The following SLC25A1 variants were observed in gnomAD, a reference collection of about 807,000 sequenced individuals.
The protein encoded by SLC25A1 is solute carrier family 25 member 1.
A neutral mutation model predicts 38.1 loss-of-function variants in SLC25A1; 26 were observed. The observed-to-expected ratio is 0.68, with a 90% CI of 0.50 to 0.95. SLC25A1 has a LOEUF of 0.95. Among genes scored for constraint, SLC25A1 ranks in the 40% least tolerant of loss-of-function variants. The pLI is 0.00. For synonymous variants in SLC25A1, 211 were observed against 183.2 expected, an observed-to-expected ratio of 1.15 and a Z score of -1.23; for missense variants, 378 against 426.6, an observed-to-expected ratio of 0.89 and a Z score of 1.00.
At position 19,176,839 on chromosome 22, in the gene SLC25A1, G is replaced by C. The variant is rs1257895809; in HGVS notation, c.631+7C>G. 5 of 1,613,498 alleles carry C rather than the reference G, an allele frequency of 3.1e-6. No individual in the cohort carries two copies. In the South Asian group the frequency reaches 5.5e-5, roughly 18 times the overall value. On this transcript the variant is annotated splice_region_variant and intron_variant, in intron 6 of 8. Coordinates refer to ENST00000215882, the MANE Select transcript of SLC25A1 (RefSeq NM_005984.5). The stretch of plus-strand genomic sequence containing the variant: ...TGCAGAGATGGGGCCCTGTGATGCA[G>C]ACACACCTCGGTACCAGTTGCGCAG...
intron 4 of SLC25A1, 140 bp downstream of exon 4, chr22:19,177,587 C>T (rs2083981541): frequency 8.4e-7 from 1 of 1,192,682 alleles, no homozygotes; most frequent in Non-Finnish European, 1.2e-6. Flanking sequence ...CCCCAGGGCC[C>T]CGCGGTCACC....
Position 19,177,950 on chromosome 22 carries a change from C to T in SLC25A1, c.294G>A (p.Ala98=), listed in dbSNP as rs781859466. ...SSLLYGSIPK[A]AVRFGMFEFL... ...CACCGGCCGGGCCTCACCTGACGGC[C>T]GCCTTGGGGATGGAACCGTAGAGCA... is the stretch of plus-strand genomic sequence containing the variant. Residue 98 remains alanine (A), a synonymous_variant, in exon 3 of 9, where the codon GCG becomes GCA. Coordinates refer to ENST00000215882, the MANE Select transcript of SLC25A1 (RefSeq NM_005984.5). 3 of 1,600,350 alleles carry T rather than the reference C, an allele frequency of 1.9e-6. No individual in the cohort carries two copies. In the Admixed American group the frequency reaches 5.2e-5, roughly 28 times the overall value.
chr22:19,176,198 C>T lies in SLC25A1; in HGVS notation c.868G>A (p.Val290Met), dbSNP rs2083957092. The T allele has an allele frequency of 1.9e-6, 3 of 1,613,724 alleles. No homozygotes were observed. The highest frequency in any genetic ancestry group is 2.5e-6 in the Non-Finnish European group (3 of 1,180,024). Residue 290 changes from valine to methionine, a missense_variant, in exon 9 of 9, where the codon GTG (valine) becomes ATG (methionine). Transcript: ENST00000215882. ...VPRLGRVCLD[V>M]AIVFVIYDEV... ...TCATAGATGACAAACACTATGGCCA[C>T]ATCCAGGCAGACCCGGCCCAGGCGG...
Position 19,178,093 on chromosome 22 carries a change from G to T in SLC25A1, c.202+40C>A. On this transcript the variant is annotated intron_variant, in intron 2 of 8. Transcript: ENST00000215882. The surrounding 1 kb of genome is among the most constrained non-coding windows in gnomAD (Gnocchi z 4.9). ...ACGGCCCTCGGTGCCGCCGCCCTGG[G>T]TACCCGCCCCCCGCGGCGCCGCGGC... 2 of 1,535,566 alleles carry T rather than the reference G, an allele frequency of 1.3e-6. No individual in the cohort carries two copies. The highest frequency in any genetic ancestry group is 8.8e-7 in the Non-Finnish European group (1 of 1,141,856).
In SLC25A1 at chr22:19,176,835, T is replaced by C; in HGVS notation, c.631+11A>G. 6.2e-7 allele frequency: 1 copy of C among 1,613,330 alleles called. No homozygotes were observed. Among genetic ancestry groups the C allele is most frequent in the African/African-American group, 1.3e-5 (1 of 74,994 alleles). On this transcript the variant is annotated intron_variant, in intron 6 of 8. Transcript: ENST00000215882. Reference sequence around the variant, plus strand: ...CATGTGCAGAGATGGGGCCCTGTGATGCAGACACACCTCGGTACCAGTTGC... The same window carrying C: ...CATGTGCAGAGATGGGGCCCTGTGACGCAGACACACCTCGGTACCAGTTGC...
chr22:19,175,815 G>A lies in SLC25A1; in HGVS notation c.*315C>T, dbSNP rs1179062845. 1 of 376,582 alleles carries A rather than the reference G, an allele frequency of 2.7e-6. No individual in the cohort carries two copies. Among genetic ancestry groups the A allele is most frequent in the African/African-American group, 2.1e-5 (1 of 47,792 alleles). 23.3% of individuals were successfully genotyped at this position (376,582 alleles called of 1,614,324 possible). A position where few individuals can be genotyped will look rare whatever the true frequency, so the allele number is the denominator to read the frequency against. On this transcript the variant is annotated 3_prime_UTR_variant, in exon 9 of 9. Coordinates refer to ENST00000215882, the MANE Select transcript of SLC25A1 (RefSeq NM_005984.5). Reference sequence around the variant, plus strand: ...GACCGGGCCAGGGCTACAGGGCCGAGGACCCAGGCCACACGGGCACCCCGG... The same window carrying A: ...GACCGGGCCAGGGCTACAGGGCCGAAGACCCAGGCCACACGGGCACCCCGG...
chr22:19,177,227 C>T (rs2083975246), intron 4 of SLC25A1, 23 bp from the exon 5 acceptor site: 1 of 1,607,620 alleles, frequency 6.2e-7, no homozygotes, highest in East Asian at 2.2e-5. Flanking sequence ...AGCAAAGGCG[C>T]AGGTTCTCGG....
chr22:19,177,139 C>T lies in SLC25A1; in HGVS notation c.507G>A (p.Arg169=), dbSNP rs1555922627. 5 of 1,613,966 alleles carry T rather than the reference C, an allele frequency of 3.1e-6. No homozygotes were observed. The highest frequency in any genetic ancestry group is 3.3e-5 in the Admixed American group (2 of 60,004). ...GCTCACCTTGTTCCCGCACAATCTCCCTAACCCCGTGGAAGAATCCTCTGT... is the reference window on the plus strand; with the variant it reads ...GCTCACCTTGTTCCCGCACAATCTCTCTAACCCCGTGGAAGAATCCTCTGT... ...PKYRGFFHGV[R]EIVREQGLKG... is the part of the protein sequence containing the mutation. Residue 169 remains arginine, a synonymous_variant, in exon 5 of 9, where the codon AGG becomes AGA. Coordinates refer to ENST00000215882, the MANE Select transcript of SLC25A1 (RefSeq NM_005984.5).
chr22:19,176,696 G>A lies in SLC25A1; in HGVS notation c.632-3C>T, dbSNP rs199895674. 99 of 1,612,208 alleles carry A rather than the reference G, an allele frequency of 6.1e-5. 1 individual carries two copies. The highest frequency in any genetic ancestry group is 1.3e-5 in the Non-Finnish European group (15 of 1,178,548). On this transcript the variant is annotated splice_polypyrimidine_tract_variant and splice_region_variant and intron_variant, in intron 6 of 8. Transcript: ENST00000215882. ...CATGGGCTTGTTGGGGTTGTCCCCTGGATATAGGAGGGGTGAGGTGGGTCA... is the reference window on the plus strand; with the variant it reads ...CATGGGCTTGTTGGGGTTGTCCCCTAGATATAGGAGGGGTGAGGTGGGTCA...
intron 5 of SLC25A1, 22 bp downstream of exon 5, chr22:19,177,098 T>A (rs1555922600): frequency 6.2e-7 from 1 of 1,611,728 alleles, no homozygotes; most frequent in African/African-American, 1.3e-5. Context: ...CTGAGCCCTA[T>A]CAGGAAGGTC....
chr22:19,176,343 A>G, intron 8 of SLC25A1, 78 bp downstream of exon 8: 2 of 1,563,264 alleles, frequency 1.3e-6, no homozygotes, highest in Non-Finnish European at 1.8e-6. Flanking sequence ...AGAGGCCTGA[A>G]GGGGACAGAG....
In SLC25A1 at chr22:19,176,782, T is replaced by C. The variant is rs28750182; in HGVS notation, c.631+64A>G. The stretch of plus-strand genomic sequence containing the variant: ...AAGGTGGGTGCCCGCCACCCAGGGG[T>C]GGCCCCAAGGAGAGGAGAGGAGCTG... On this transcript the variant is annotated intron_variant, in intron 6 of 8. Coordinates refer to ENST00000215882, the MANE Select transcript of SLC25A1 (RefSeq NM_005984.5). 0.055 allele frequency: 87,737 copies of C among 1,598,280 alleles called. 3,405 individuals are homozygous for C. The highest frequency in any genetic ancestry group is 0.15 in the East Asian group (6,509 of 44,758).
In SLC25A1 at chr22:19,177,112, T is replaced by G. The variant is rs1200520361; in HGVS notation, c.526+8A>C. The G allele has an allele frequency of 2.5e-6, 4 of 1,613,342 alleles. No homozygotes were observed. In the African/African-American group the frequency reaches 5.3e-5, roughly 22 times the overall value. On this transcript the variant is annotated splice_region_variant and intron_variant, in intron 5 of 8. Transcript: ENST00000215882. ...CCTGAGCCCTATCAGGAAGGTCGAGTGGCTCACCTTGTTCCCGCACAATCT... is the reference window on the plus strand; with the variant it reads ...CCTGAGCCCTATCAGGAAGGTCGAGGGGCTCACCTTGTTCCCGCACAATCT...
At chr22:19,176,760 G>C in intron 6 of SLC25A1, 67 bp from the exon 7 acceptor site, 2 of 1,588,402 alleles carry the variant, frequency 1.3e-6, no homozygotes, top group Non-Finnish European at 1.7e-6. Context: ...ACTTCAAAAG[G>C]TGGGTGCCCG....
chr22:19,178,508 G>A lies in SLC25A1; in HGVS notation c.94+72C>T, dbSNP rs900118329. The A allele has an allele frequency of 4.7e-5, 62 of 1,314,734 alleles. No individual in the cohort carries two copies. In the African/African-American group the frequency reaches 5.4e-4, roughly 12 times the overall value. The allele number at this position is 1,314,734 out of a possible 1,614,324, so 81.4% of individuals were successfully genotyped here. A position where few individuals can be genotyped will look rare whatever the true frequency, so the allele number is the denominator to read the frequency against. On this transcript the variant is annotated intron_variant, in intron 1 of 8. Transcript: ENST00000215882. This position sits in a 1 kb window ranked among gnomAD's most constrained non-coding sequence, Gnocchi z 4.9. ...AGCCCACGGCCCAACCCGGAAGTGG[G>A]GCGGGGCCTCAGCGTCCCGGGCCCA...
rs1460235496 is a variant in SLC25A1, at chr22:19,175,803, C to G, written c.*327G>C. The G allele has an allele frequency of 8.4e-6, 3 of 356,162 alleles. No individual in the cohort carries two copies. The highest frequency in any genetic ancestry group is 6.4e-5 in the African/African-American group (3 of 47,140). 22.1% of individuals were successfully genotyped at this position (356,162 alleles called of 1,614,324 possible). A position where few individuals can be genotyped will look rare whatever the true frequency, so the allele number is the denominator to read the frequency against. On this transcript the variant is annotated 3_prime_UTR_variant, in exon 9 of 9. Transcript: ENST00000215882. ...GCACCGGACTGGGACCGGGCCAGGG[C>G]TACAGGGCCGAGGACCCAGGCCACA...
intron 6 of SLC25A1, 53 bp downstream of exon 6, chr22:19,176,788 CAAGGA>C (rs1467014574): frequency 1.9e-6 from 3 of 1,601,366 alleles, no homozygotes; most frequent in African/African-American, 2.7e-5. Context: ...GGGGTGGCCC[CAAGGA>C]GAGGAGAGGA....
At chr22:19,176,778 G>GCACTTCAAA in intron 6 of SLC25A1, 68 bp downstream of exon 6, 1 of 1,588,266 alleles carries the variant, frequency 6.3e-7, no homozygotes, top group Non-Finnish European at 8.6e-7. Context: ...CCGCCACCCA[G>GCACTTCAAA]GGGTGGCCCC....
Position 19,177,820 on chromosome 22 carries a change from CT to C in SLC25A1, c.347del (p.Gln116ArgfsTer33). On this transcript the variant is annotated frameshift_variant, in exon 4 of 9. Coordinates refer to ENST00000215882, the MANE Select transcript of SLC25A1 (RefSeq NM_005984.5). LOFTEE classifies it high-confidence loss of function. ...GCCCACGCGTGCTGTCCAGCCGTCC[CT>C]GGGCATCCCGCATGTGGTTGCTGAG... The part of the protein sequence containing the change: ...EFLSNHMRDA[Q>X]GRLDSTRGLL... The C allele has an allele frequency of 1.9e-6, 3 of 1,610,840 alleles. No individual in the cohort carries two copies. The highest frequency in any genetic ancestry group is 1.7e-6 in the Non-Finnish European group (2 of 1,179,224).
Sources: allele counts gnomAD v4.1 joint callset, GRCh38; gene constraint gnomAD v4.1.1; non-coding constraint Gnocchi (gnomAD v3.1); transcripts MANE v1.5; gene names NCBI Gene and HGNC (gene_info 2026-07-23, HGNC 2026-07-21).